Variants in PCDH7 observed in about 807,000 individuals in gnomAD.
PCDH7 encodes protocadherin-7.
PCDH7 carries 17 observed loss-of-function variants against 58.9 expected under a neutral mutation model. The observed-to-expected ratio is 0.29, with a 90% CI of 0.20 to 0.43. PCDH7 has a LOEUF of 0.43. Ranked by LOEUF, PCDH7 falls within the 20% of genes least tolerant of loss-of-function variation. The pLI is 1.00. For missense variants in PCDH7, 1,274 were observed against 1,441.0 expected (o/e 0.88, Z 1.88); for synonymous variants, 664 against 616.4 (o/e 1.08, Z -1.14).
At chr4:30,899,720 T>A (rs773088230) in intron 1 of PCDH7, among the ~76,000 whole-genome samples, 1 of 146,006 alleles carries the variant, frequency 6.8e-6, no homozygotes, top group Non-Finnish European at 1.5e-5. Flanking sequence ...ACACTAATAT[T>A]TTTTTTTTCA....
intron 3 of PCDH7, among the ~76,000 whole-genome samples, chr4:30,956,366 T>C (rs1451912441): frequency 6.6e-6 from 1 of 152,224 alleles, no homozygotes; most frequent in Non-Finnish European, 1.5e-5. Context: ...TGATTTAGAA[T>C]TTTAACATAA....
At chr4:31,062,066 A>G (rs1757733185) in intron 3 of PCDH7, among the ~76,000 whole-genome samples, 1 of 151,714 alleles carries the variant, frequency 6.6e-6, no homozygotes, top group South Asian at 2.1e-4. Context: ...ACATCCAAGA[A>G]TCCTTTCAGA....
rs1758444321 is a variant in PCDH7, at chr4:31,070,350, C to A, written c.*8-72123C>A. ...TTAGACGGACATCTGACAATGAATA[C>A]TTTTCAGACTTGGCTGGGTAATGTT... On this transcript the variant is annotated intron_variant, in intron 3 of 3. Transcript: ENST00000509759. Among the ~76,000 whole-genome samples the A allele has an allele frequency of 2.0e-5, 3 of 151,982 alleles. No homozygotes were observed. The South Asian group carries it at 6.2e-4, about 31-fold the overall frequency.
At position 31,029,266 on chromosome 4, in the gene PCDH7, C is replaced by T. The variant is rs189856020; in HGVS notation, c.*7+79051C>T. ...GTCCATTTTTTTGGTGTTGGAGATT[C>T]TGTGCCTATTTCACCTAATGTACTT... On this transcript the variant is annotated intron_variant, in intron 3 of 3. Transcript: ENST00000509759. Among the ~76,000 whole-genome samples, 152 of 152,292 alleles carry T rather than the reference C, an allele frequency of 1.0e-3. 1 individual carries two copies. The highest frequency in any genetic ancestry group is 3.5e-3 in the African/African-American group (146 of 41,566).
At chr4:30,849,712 T>C (rs1732467860) in intron 1 of PCDH7, among the ~76,000 whole-genome samples, 1 of 152,126 alleles carries the variant, frequency 6.6e-6, no homozygotes, top group African/African-American at 2.4e-5. Context: ...ATCATTTTCT[T>C]CCACTAAGAC....
chr4:30,981,674 A>G (rs1750580776), intron 3 of PCDH7, among the ~76,000 whole-genome samples: 1 of 152,240 alleles, frequency 6.6e-6, no homozygotes, highest in African/African-American at 2.4e-5. Context: ...ATTATAATAC[A>G]GCTTCCAAGA....
chr4:30,747,363 C>T (rs1183920041), intron 1 of PCDH7, among the ~76,000 whole-genome samples: 1 of 151,554 alleles, frequency 6.6e-6, no homozygotes, highest in Non-Finnish European at 1.5e-5. Context: ...ATGCAGTGTC[C>T]GAAAACAACA....
exon 4 of PCDH7, chr4:31,142,951 CAA>C: frequency 1.2e-6 from 1 of 851,020 alleles, no homozygotes; most frequent in Non-Finnish European, 1.6e-6. Flanking sequence ...AGGGGGCTAC[CAA>C]AGAGACAAAG....
downstream of PCDH7, chr4:31,146,456 A>T (rs1042828348): frequency 6.6e-6 from 1 of 152,118 alleles, no homozygotes; most frequent in Non-Finnish European, 1.5e-5. Flanking sequence ...TAATGATAAC[A>T]TCTGGAGGAA....
chr4:30,792,476 C>T (rs572604313), intron 1 of PCDH7, among the ~76,000 whole-genome samples: 21 of 152,248 alleles, frequency 1.4e-4, no homozygotes, highest in African/African-American at 5.1e-4. Flanking sequence ...GCTGGCTACT[C>T]TATTTTTATG....
In PCDH7 at chr4:30,869,969, C is replaced by T. The variant is rs9666179; in HGVS notation, c.71-50184C>T. 3.9e-5 allele frequency among the ~76,000 whole-genome samples: 6 copies of T among 152,010 alleles called. No individual in the cohort carries two copies. In the East Asian group the frequency reaches 7.8e-4, roughly 20 times the overall value. ...TGTTGTTTTCTGATTTTTTAACGAT[C>T]GCCATTCTAACTGGTGTGAGATGGT... is the stretch of plus-strand genomic sequence containing the variant. On this transcript the variant is annotated intron_variant, in intron 1 of 3. Transcript: ENST00000509759.
At chr4:30,842,815 G>A (rs1013162813) in intron 1 of PCDH7, among the ~76,000 whole-genome samples, 3 of 152,158 alleles carry the variant, frequency 2.0e-5, no homozygotes, top group Admixed American at 6.5e-5. Flanking sequence ...GAGGAACCAC[G>A]AGAGGGACAG....
intron 1 of PCDH7, among the ~76,000 whole-genome samples, chr4:30,775,406 T>C (rs748797362): frequency 4.6e-5 from 7 of 152,114 alleles, no homozygotes; most frequent in Non-Finnish European, 1.0e-4. Context: ...TGTGAGTGTG[T>C]GTGTGTATAT....
chr4:31,032,730 A>C (rs75701382), intron 3 of PCDH7, among the ~76,000 whole-genome samples: 1 of 143,284 alleles, frequency 7.0e-6, no homozygotes, highest in African/African-American at 2.7e-5. Context: ...GAAAGAGTAC[A>C]TGTCATTGCG....
At chr4:30,868,160 G>A (rs1735108577) in intron 1 of PCDH7, among the ~76,000 whole-genome samples, 1 of 152,012 alleles carries the variant, frequency 6.6e-6, no homozygotes. Flanking sequence ...GATACCAACT[G>A]TTATGAATAT....
intron 1 of PCDH7, among the ~76,000 whole-genome samples, chr4:30,740,495 T>G (rs540964680): frequency 6.6e-6 from 1 of 152,330 alleles, no homozygotes; most frequent in Non-Finnish European, 1.5e-5. Context: ...TCACTCATTA[T>G]GTATATAGTT....
chr4:31,009,950 T>C (rs1753049662), intron 3 of PCDH7, among the ~76,000 whole-genome samples: 1 of 151,952 alleles, frequency 6.6e-6, no homozygotes, highest in Non-Finnish European at 1.5e-5. Context: ...GGAGCTTAGA[T>C]AAAACTGGCT....
At chr4:31,131,084 C>T (rs185184454) in intron 3 of PCDH7, among the ~76,000 whole-genome samples, 284 of 152,258 alleles carry the variant, frequency 1.9e-3, no homozygotes, top group Non-Finnish European at 9.1e-4. Flanking sequence ...CGCAGAGCAG[C>T]TCCTGCCCCA....
intron 3 of PCDH7, among the ~76,000 whole-genome samples, chr4:31,098,583 G>T (rs577135623): frequency 6.6e-6 from 1 of 152,220 alleles, no homozygotes; most frequent in Admixed American, 6.5e-5. Context: ...GCTCACATCC[G>T]TCTGGTCACT....
Sources: allele counts gnomAD v4.1 joint callset (sites outside exome capture counted in the v4.1 genomes callset), GRCh38; gene constraint gnomAD v4.1.1; transcripts MANE v1.5; gene names NCBI Gene and HGNC (gene_info 2026-07-23, HGNC 2026-07-21).